Variants in KLB observed in about 807,000 individuals in gnomAD.
KLB encodes klotho beta, also known as beta-klotho.
In KLB, 44 loss-of-function variants were observed where a neutral mutation model predicts 88.4. The ratio of observed to expected loss-of-function variants is 0.50; its 90% confidence interval spans 0.39 to 0.64. The LOEUF is 0.64. KLB is among the 30% of genes least tolerant of loss of function. The pLI, the probability that KLB is intolerant of heterozygous loss-of-function variation, is 0.00. For synonymous variants in KLB, 548 were observed against 513.4 expected (o/e 1.07, Z -0.91); for missense variants, 1,137 against 1,304.8 (o/e 0.87, Z 1.98).
intron 4 of KLB, 107 bp from the exon 5 acceptor site, chr4:39,448,194 C>G: frequency 1.3e-6 from 1 of 768,288 alleles, no homozygotes; most frequent in East Asian, 2.7e-5. Context: ...AAAATCACTA[C>G]CTTTATTATG....
intron 3 of KLB, among the ~76,000 whole-genome samples, chr4:39,444,504 G>T (rs1249670276): frequency 6.6e-6 from 1 of 152,172 alleles, no homozygotes; most frequent in African/African-American, 2.4e-5. Context: ...CTTTTGGTGG[G>T]GAATAGGATT....
Position 39,446,384 on chromosome 4 carries a change from G to C in KLB, c.1658G>C (p.Trp553Ser). The C allele has an allele frequency of 6.2e-7, 1 of 1,614,172 alleles. No individual in the cohort carries two copies. Among genetic ancestry groups the C allele is most frequent in the Non-Finnish European group, 8.5e-7 (1 of 1,180,030 alleles). ...PQFSDPHLYVWNATGNRLLHR... is the reference protein window; with the variant it reads ...PQFSDPHLYVSNATGNRLLHR... ...TTCAGCGATCCTCATCTGTACGTGT[G>C]GAACGCCACTGGCAACAGACTGTTG... Residue 553 changes from tryptophan (W) to serine (S), a missense_variant, in exon 4 of 5, where the codon TGG becomes TCG. Physicochemically the swap from Trp to Ser is radical, Grantham distance 177. Transcript: ENST00000257408. This position sits in a 1 kb window ranked among gnomAD's most constrained non-coding sequence, Gnocchi z 6.4.
At position 39,447,269 on chromosome 4, in the gene KLB, A is replaced by G; in HGVS notation, c.2543A>G (p.Gln848Arg). 6.2e-7 allele frequency: 1 copy of G among 1,614,108 alleles called. No individual in the cohort carries two copies. Among genetic ancestry groups the G allele is most frequent in the East Asian group, 2.2e-5 (1 of 44,874 alleles). The change falls in exon 4 of 5, where the codon CAG becomes CGG. Residue 848 changes from glutamine (Q) to arginine (R), a missense_variant. Transcript: ENST00000257408. ...CGCTACGACTCGGACAGGGACATCC[A>G]GTTTCTGCAGGACATCACCCGCCTG... The part of the protein sequence containing the change: ...GSRYDSDRDI[Q>R]FLQDITRLSS...
chr4:39,411,051 T>A (rs1742829459), intron 1 of KLB, among the ~76,000 whole-genome samples: 1 of 149,130 alleles, frequency 6.7e-6, no homozygotes, highest in Admixed American at 6.6e-5. Flanking sequence ...AAGTTTTTGT[T>A]TTTGTTTTGT....
chr4:39,414,010 C>G (rs1742914765), intron 1 of KLB, among the ~76,000 whole-genome samples: 1 of 152,272 alleles, frequency 6.6e-6, no homozygotes, highest in Non-Finnish European at 1.5e-5. Flanking sequence ...CACTAGATGA[C>G]AGTAGCTCCC....
chr4:39,436,662 A>G (rs1177315287), intron 2 of KLB, among the ~76,000 whole-genome samples: 1 of 152,034 alleles, frequency 6.6e-6, no homozygotes, highest in East Asian at 1.9e-4. Flanking sequence ...ATTCAGGGCT[A>G]ATTTGGGTAT....
intron 1 of KLB, among the ~76,000 whole-genome samples, chr4:39,418,915 TC>T (rs1743018555): frequency 7.0e-6 from 1 of 143,224 alleles, no homozygotes; most frequent in South Asian, 2.2e-4. Context: ...ACCGCTGCAC[TC>T]CAGCTTGGAT....
rs138793877 is a variant in KLB, at chr4:39,437,704, T to G, written c.1337-23T>G. Reference sequence around the variant, plus strand: ...TAGAATGTTTAGGCCTCTGAACATCTCTGCTTTCTTTTCTCTGTGCAGCAA... The same window carrying G: ...TAGAATGTTTAGGCCTCTGAACATCGCTGCTTTCTTTTCTCTGTGCAGCAA... On this transcript the variant is annotated intron_variant, in intron 2 of 4. Transcript: ENST00000257408. 2.3e-3 allele frequency: 3,713 copies of G among 1,586,658 alleles called. 70 individuals are homozygous for G. In the African/African-American group the frequency reaches 0.045, roughly 19 times the overall value.
At chr4:39,436,242 A>G (rs554743461) in intron 2 of KLB, among the ~76,000 whole-genome samples, 107 of 152,304 alleles carry the variant, frequency 7.0e-4, no homozygotes, top group Admixed American at 2.3e-3. Flanking sequence ...CAGGAAGAAA[A>G]TCCCAGGTGC....
rs538963509 is a variant in KLB at position 39,431,956 on chromosome 4, T to C, written c.826-2254T>C. Among the ~76,000 whole-genome samples the C allele has an allele frequency of 2.0e-5, 3 of 152,352 alleles. No individual in the cohort carries two copies. In the South Asian group the frequency reaches 6.2e-4, roughly 32 times the overall value. On this transcript the variant is annotated intron_variant, in intron 1 of 4. Coordinates refer to ENST00000257408, the MANE Select transcript of KLB (RefSeq NM_175737.4). The stretch of plus-strand genomic sequence containing the variant: ...AAAACTGAAAGCAGGCTCTGTGTGC[T>C]AAAGATAATGAGTCTGTGCATTTGT...
At position 39,449,592 on chromosome 4, in the gene KLB, T is replaced by C. The variant is rs1315495216; in HGVS notation, c.*906T>C. 6.6e-6 allele frequency: 1 copy of C among 152,110 alleles called. No homozygotes were observed. The highest frequency in any genetic ancestry group is 1.5e-5 in the Non-Finnish European group (1 of 68,026). The allele number at this position is 152,110 out of a possible 1,614,324, so 9.4% of individuals were successfully genotyped here. ...ACAACAAAAAATCACCTATAGAATA[T>C]CTAATTTGTGATCTTTTACTAGATC... On this transcript the variant is annotated 3_prime_UTR_variant, in exon 5 of 5. Coordinates refer to ENST00000257408, the MANE Select transcript of KLB (RefSeq NM_175737.4).
rs763553759 is a variant in KLB, at chr4:39,434,324, A to C, written c.940A>C (p.Met314Leu). The C allele has an allele frequency of 6.2e-7, 1 of 1,614,058 alleles. No individual in the cohort carries two copies. Among genetic ancestry groups the C allele is most frequent in the African/African-American group, 1.3e-5 (1 of 74,910 alleles). ...CGAGCCAAACCGGTCGGAAAACACG[A>C]TGGATATATTCAAATGTCAACAATC... Reference protein sequence around the residue: ...WIEPNRSENTMDIFKCQQSMV... With the variant: ...WIEPNRSENTLDIFKCQQSMV... Residue 314 changes from methionine to leucine, a missense_variant, in exon 2 of 5, where the codon ATG becomes CTG. Around this residue, in one of 4 missense-constraint regions of KLB, gnomAD observed 597 missense variants for 765.2 expected, o/e 0.78. Transcript: ENST00000257408.
intron 2 of KLB, among the ~76,000 whole-genome samples, chr4:39,437,363 T>G (rs1312626193): frequency 6.6e-6 from 1 of 152,192 alleles, no homozygotes; most frequent in African/African-American, 2.4e-5. Context: ...CAACTCAAAC[T>G]TGAAATAAGA....
chr4:39,428,391 G>A (rs1352112415), intron 1 of KLB, among the ~76,000 whole-genome samples: 4 of 149,794 alleles, frequency 2.7e-5, no homozygotes, highest in Middle Eastern at 3.5e-3. Flanking sequence ...TCACACCATT[G>A]CACTCCAGCC....
In KLB at chr4:39,447,031, A is replaced by C; in HGVS notation, c.2305A>C (p.Ile769Leu). The change falls in exon 4 of 5, where the codon ATC becomes CTC. Residue 769 changes from isoleucine to leucine, a missense_variant. By Grantham distance (5) the Ile-to-Leu change is conservative. Transcript: ENST00000257408. ...GGCCGAGCGCTTCCTGCAGTTCGAG[A>C]TCGCCTGGTTCGCCGAGCCGCTCTT... is the stretch of plus-strand genomic sequence containing the variant. ...RAAERFLQFE[I>L]AWFAEPLFKT... The C allele has an allele frequency of 6.2e-7, 1 of 1,611,706 alleles. No homozygotes were observed. The highest frequency in any genetic ancestry group is 8.5e-7 in the Non-Finnish European group (1 of 1,179,950).
At chr4:39,426,690 AT>A (rs35292190) in intron 1 of KLB, among the ~76,000 whole-genome samples, 124,047 of 148,762 alleles carry the variant, frequency 0.83, 53,622 homozygotes, top group Non-Finnish European at 0.95. Context: ...GCATCCAATA[AT>A]TTTTTTTTTT....
intron 1 of KLB, among the ~76,000 whole-genome samples, chr4:39,418,807 G>A (rs2109824112): frequency 6.6e-6 from 1 of 151,852 alleles, no homozygotes; most frequent in Admixed American, 6.6e-5. Context: ...ACTTAGCTGG[G>A]TGTGGTGGTG....
At chr4:39,417,900 G>A (rs946813210) in intron 1 of KLB, among the ~76,000 whole-genome samples, 2 of 152,106 alleles carry the variant, frequency 1.3e-5, no homozygotes, top group Admixed American at 6.5e-5. Context: ...AAGTATCAAA[G>A]CCAAAATTAA....
intron 2 of KLB, among the ~76,000 whole-genome samples, chr4:39,435,961 C>G (rs1475538419): frequency 6.6e-6 from 1 of 152,164 alleles, no homozygotes; most frequent in Non-Finnish European, 1.5e-5. Flanking sequence ...TCTTTATACT[C>G]TATTACATGA....
Sources: gnomAD v4.1 joint callset for allele counts (sites outside exome capture counted in the v4.1 genomes callset) on GRCh38, gnomAD v4.1.1 for gene constraint, gnomAD v4.1.1 regional missense constraint, Gnocchi (gnomAD v3.1) non-coding constraint, MANE v1.5 for transcripts, NCBI Gene and HGNC (gene_info 2026-07-23, HGNC 2026-07-21) for gene names.